Variants in MYO5A observed in about 807,000 individuals in gnomAD.
MYO5A encodes the protein unconventional myosin-Va.
Under a neutral mutation model 249.7 loss-of-function variants are expected in MYO5A, and 98 were observed. The ratio of observed to expected loss-of-function variants is 0.39; its 90% confidence interval spans 0.33 to 0.46. The LOEUF is 0.46. Ranked by LOEUF, MYO5A falls within the 20% of genes least tolerant of loss-of-function variation. MYO5A has a pLI of 0.98. For missense variants in MYO5A, 1,696 were observed against 2,308.8 expected (o/e 0.73, Z 5.44); for synonymous variants, 778 against 810.6 (o/e 0.96, Z 0.68).
chr15:52,380,277 A>C (rs2041665252), intron 16 of MYO5A, among the ~76,000 whole-genome samples: 1 of 152,072 alleles, frequency 6.6e-6, no homozygotes, highest in Admixed American at 6.6e-5. Flanking sequence ...CTCTACTAAA[A>C]ACAGAAAAAT....
intron 18 of MYO5A, 61 bp from the exon 19 acceptor site, chr15:52,376,619 A>C: frequency 6.8e-7 from 1 of 1,475,870 alleles, no homozygotes; most frequent in Non-Finnish European, 9.3e-7. Context: ...ATTTAAAAGA[A>C]AAAATGTCTA....
At chr15:52,322,335 T>C (rs2140933537) in intron 37 of MYO5A, among the ~76,000 whole-genome samples, 1 of 152,362 alleles carries the variant, frequency 6.6e-6, no homozygotes, top group South Asian at 2.1e-4. Flanking sequence ...CATCTGCCTG[T>C]CAGTGCTCAG....
Position 52,310,756 on chromosome 15 carries a change from G to A in MYO5A, c.*2940C>T, listed in dbSNP as rs1330576181. On this transcript the variant is annotated 3_prime_UTR_variant, in exon 42 of 42. Coordinates refer to ENST00000399233, the MANE Select transcript of MYO5A (RefSeq NM_001382347.1). ...GGTGTGTCTGAAGTTGGGTGAGAAA[G>A]TGTGGCTGACAGAGAGAAAGAACCT... 1 of 152,482 alleles carries A rather than the reference G, an allele frequency of 6.6e-6. No homozygotes were observed. The highest frequency in any genetic ancestry group is 1.9e-4 in the East Asian group (1 of 5,206). 9.4% of individuals were successfully genotyped at this position (152,482 alleles called of 1,614,324 possible).
At chr15:52,375,606 T>C in intron 19 of MYO5A, 146 bp from the exon 20 acceptor site, 1 of 910,852 alleles carries the variant, frequency 1.1e-6, no homozygotes, top group African/African-American at 1.7e-5. Context: ...TAAGTCAACA[T>C]TTATATTTAC....
chr15:52,421,420 T>C (rs1356825402), intron 4 of MYO5A, among the ~76,000 whole-genome samples: 2 of 152,248 alleles, frequency 1.3e-5, no homozygotes, highest in Admixed American at 1.3e-4. Context: ...GAACAGCTTA[T>C]ATTGGAATAG....
intron 21 of MYO5A, 30 bp downstream of exon 21, chr15:52,372,094 C>A: frequency 6.2e-7 from 1 of 1,613,000 alleles, no homozygotes; most frequent in Non-Finnish European, 8.5e-7. Flanking sequence ...CAGGCATACT[C>A]CACTCTCAGG....
chr15:52,328,244 TCTCA>T (rs2038703162), intron 35 of MYO5A, among the ~76,000 whole-genome samples: 2 of 152,140 alleles, frequency 1.3e-5, no homozygotes, highest in Non-Finnish European at 2.9e-5. Flanking sequence ...TGAATTCCAG[TCTCA>T]CTATCAACTA....
At chr15:52,465,217 C>G (rs2076329200) in intron 1 of MYO5A, among the ~76,000 whole-genome samples, 1 of 152,166 alleles carries the variant, frequency 6.6e-6, no homozygotes, top group African/African-American at 2.4e-5. Context: ...AGCAAAAAAG[C>G]CCTGTTGGCC....
chr15:52,351,120 TA>T, intron 28 of MYO5A, 133 bp downstream of exon 28: 1 of 809,020 alleles, frequency 1.2e-6, no homozygotes, highest in Non-Finnish European at 2.1e-6. Context: ...GGGATTTTTT[TA>T]AAAAAATAAT....
At chr15:52,501,938 T>C (rs181716133) in intron 1 of MYO5A, among the ~76,000 whole-genome samples, 80 of 151,974 alleles carry the variant, frequency 5.3e-4, no homozygotes, top group African/African-American at 1.8e-3. Context: ...TATTTAACAA[T>C]ATATCCTAGA....
At chr15:52,343,840 G>A (rs930530287) in intron 30 of MYO5A, among the ~76,000 whole-genome samples, 18 of 152,124 alleles carry the variant, frequency 1.2e-4, no homozygotes, top group Admixed American at 5.2e-4. Context: ...TATTAAAAAC[G>A]TATAATTAGT....
At chr15:52,313,913 ACTAAAATTT>A in intron 41 of MYO5A, 65 bp from the exon 42 acceptor site, 1 of 1,579,254 alleles carries the variant, frequency 6.3e-7, no homozygotes, top group African/African-American at 1.4e-5. Context: ...ACTTTTTTCT[ACTAAAATTT>A]CTACCCTCAA....
intron 1 of MYO5A, among the ~76,000 whole-genome samples, chr15:52,485,365 T>C (rs2076798386): frequency 6.6e-6 from 1 of 151,468 alleles, no homozygotes; most frequent in Non-Finnish European, 1.5e-5. Flanking sequence ...TATTCTCAAA[T>C]ACTATTGGAA....
At chr15:52,363,327 C>T (rs1049969069) in intron 24 of MYO5A, among the ~76,000 whole-genome samples, 33 of 152,190 alleles carry the variant, frequency 2.2e-4, no homozygotes, top group African/African-American at 8.0e-4. Flanking sequence ...TGAAGCTTAA[C>T]AAGGGTCTTT....
chr15:52,512,676 T>A (rs895563241), intron 1 of MYO5A, among the ~76,000 whole-genome samples: 3 of 152,212 alleles, frequency 2.0e-5, no homozygotes, highest in Non-Finnish European at 4.4e-5. Context: ...TTTTAAATAG[T>A]TTATTTTAAA....
At chr15:52,376,618 A>G (rs2041429691) in intron 18 of MYO5A, 60 bp from the exon 19 acceptor site, 1 of 1,490,952 alleles carries the variant, frequency 6.7e-7, no homozygotes, top group Non-Finnish European at 9.2e-7. Context: ...AATTTAAAAG[A>G]AAAAATGTCT....
intron 1 of MYO5A, among the ~76,000 whole-genome samples, chr15:52,450,599 G>C (rs551249043): frequency 1.3e-5 from 2 of 151,610 alleles, no homozygotes; most frequent in Non-Finnish European, 2.9e-5. Flanking sequence ...AACTCAAGAG[G>C]TGGAGGCTGC....
At chr15:52,383,046 T>C (rs746878667) in intron 16 of MYO5A, 45 bp downstream of exon 16, 2 of 1,495,782 alleles carry the variant, frequency 1.3e-6, no homozygotes, top group Admixed American at 3.3e-5. Context: ...TTGGCACTTC[T>C]TATAAGATAT....
intron 1 of MYO5A, among the ~76,000 whole-genome samples, chr15:52,471,383 C>T (rs1323961235): frequency 1.3e-5 from 2 of 152,008 alleles, no homozygotes; most frequent in Admixed American, 6.6e-5. Flanking sequence ...GTGGGAGGAT[C>T]GCTTGAGCCC....
Sources: gnomAD v4.1 joint callset for allele counts (sites outside exome capture counted in the v4.1 genomes callset) on GRCh38, gnomAD v4.1.1 for gene constraint, MANE v1.5 for transcripts, NCBI Gene and HGNC (gene_info 2026-07-23, HGNC 2026-07-21) for gene names.